ANKRD50: variants seen among roughly 807,000 people sequenced by gnomAD.
The protein encoded by ANKRD50 is ankyrin repeat domain-containing protein 50.
A neutral mutation model predicts 112.0 loss-of-function variants in ANKRD50; 40 were observed. The observed-to-expected ratio is 0.36, with a 90% CI of 0.28 to 0.46. The LOEUF is 0.46. Ranked by LOEUF, ANKRD50 falls within the 20% of genes least tolerant of loss-of-function variation. The probability of loss-of-function intolerance (pLI) is 1.00; values close to 1 mark genes in which losing one functional copy is unlikely to be tolerated. For synonymous variants in ANKRD50, 613 were observed against 619.1 expected, an observed-to-expected ratio of 0.99 and a Z score of 0.15; for missense variants, 1,487 against 1,701.7, an observed-to-expected ratio of 0.87 and a Z score of 2.22.
In ANKRD50 at chr4:124,671,396, A is replaced by G; in HGVS notation, c.1881T>C (p.Val627=). 1 of 1,613,878 alleles carries G rather than the reference A, an allele frequency of 6.2e-7. No individual in the cohort carries two copies. Among genetic ancestry groups the G allele is most frequent in the Non-Finnish European group, 8.5e-7 (1 of 1,179,854 alleles). ...TTACGCCAGCATAAAGTAGTGCAGA[A>G]ACTACCTCAGTATGGCCACCCCAAG... ...SAAWGGHTEV[V]SALLYAGVKV... The change falls in exon 4 of 5, where the codon GTT becomes GTC. Residue 627 remains valine, a synonymous_variant. Coordinates refer to ENST00000504087, the MANE Select transcript of ANKRD50 (RefSeq NM_020337.3).
At chr4:124,704,423 A>T (rs1725459550) in intron 2 of ANKRD50, among the ~76,000 whole-genome samples, 1 of 152,222 alleles carries the variant, frequency 6.6e-6, no homozygotes, top group South Asian at 2.1e-4. Context: ...GCCAGTTGAG[A>T]CAGGAGATAG....
intron 2 of ANKRD50, among the ~76,000 whole-genome samples, chr4:124,689,375 T>C (rs767728256): frequency 6.6e-6 from 1 of 152,172 alleles, no homozygotes; most frequent in Non-Finnish European, 1.5e-5. Context: ...TGATGGTTCA[T>C]TTTATGTGCC....
At chr4:124,668,905 T>C (rs1028335299) in intron 4 of ANKRD50, 79 bp downstream of exon 4, 1 of 1,332,648 alleles carries the variant, frequency 7.5e-7, no homozygotes, top group Non-Finnish European at 1.0e-6. Flanking sequence ...GGAATTGGCC[T>C]TGTGATCAAG....
chr4:124,683,969 G>T (rs1724950542), intron 2 of ANKRD50, among the ~76,000 whole-genome samples: 2 of 134,120 alleles, frequency 1.5e-5, no homozygotes, highest in South Asian at 4.8e-4. Context: ...GGATTCCCCA[G>T]TTCAGTGACA....
At chr4:124,705,798 G>A (rs1441108941) in intron 2 of ANKRD50, among the ~76,000 whole-genome samples, 1 of 152,140 alleles carries the variant, frequency 6.6e-6, no homozygotes, top group East Asian at 1.9e-4. Context: ...CACAGTCAAT[G>A]TAAAATATAC....
At chr4:124,684,225 T>C (rs1380912348) in intron 2 of ANKRD50, among the ~76,000 whole-genome samples, 1 of 152,200 alleles carries the variant, frequency 6.6e-6, no homozygotes, top group East Asian at 1.9e-4. Context: ...TTATGTATCC[T>C]GTGATAGCTC....
At position 124,682,185 on chromosome 4, in the gene ANKRD50, A is replaced by G. The variant is rs543272524; in HGVS notation, c.513-3280T>C. On this transcript the variant is annotated intron_variant, in intron 2 of 4. Transcript: ENST00000504087. ...CAAAAAATTAGCCGGGCGCGGTGGC[A>G]GGCGCCTGTAGTCCCAGCTCCTTGG... Among the ~76,000 whole-genome samples the G allele has an allele frequency of 2.4e-3, 362 of 151,936 alleles. 2 individuals are homozygous for G. Among genetic ancestry groups the G allele is most frequent in the African/African-American group, 8.4e-3 (347 of 41,426 alleles).
At chr4:124,684,087 CATT>C (rs2110515694) in intron 2 of ANKRD50, among the ~76,000 whole-genome samples, 1 of 152,160 alleles carries the variant, frequency 6.6e-6, no homozygotes, top group East Asian at 1.9e-4. Flanking sequence ...GGCAATCACT[CATT>C]AATTGTTTTC....
Position 124,701,403 on chromosome 4 carries a change from C to G in ANKRD50, c.512+8597G>C, listed in dbSNP as rs537777936. ...AAGGCTACCAGTTTCTGGAAAGCTCCAAATCATTCCTCAAGATAACCACGA... is the reference window on the plus strand; with the variant it reads ...AAGGCTACCAGTTTCTGGAAAGCTCGAAATCATTCCTCAAGATAACCACGA... On this transcript the variant is annotated intron_variant, in intron 2 of 4. Coordinates refer to ENST00000504087, the MANE Select transcript of ANKRD50 (RefSeq NM_020337.3). Among the ~76,000 whole-genome samples the G allele has an allele frequency of 2.0e-5, 3 of 152,260 alleles. No homozygotes were observed. In the East Asian group the frequency reaches 5.8e-4, roughly 29 times the overall value.
intron 2 of ANKRD50, among the ~76,000 whole-genome samples, chr4:124,685,224 G>A (rs951236280): frequency 3.3e-5 from 5 of 152,114 alleles, no homozygotes; most frequent in African/African-American, 1.2e-4. Flanking sequence ...CCTATCTTGT[G>A]CACTGTTAAA....
chr4:124,704,330 A>G (rs983419483), intron 2 of ANKRD50, among the ~76,000 whole-genome samples: 2 of 152,230 alleles, frequency 1.3e-5, no homozygotes, highest in African/African-American at 4.8e-5. Flanking sequence ...CCTTGAAAAC[A>G]TACAAGTGAG....
At chr4:124,692,905 C>A (rs1725170023) in intron 2 of ANKRD50, among the ~76,000 whole-genome samples, 1 of 152,146 alleles carries the variant, frequency 6.6e-6, no homozygotes, top group African/African-American at 2.4e-5. Context: ...GAAGCACGAT[C>A]TCTATGGATT....
At chr4:124,704,014 A>G (rs1725451782) in intron 2 of ANKRD50, among the ~76,000 whole-genome samples, 1 of 152,230 alleles carries the variant, frequency 6.6e-6, no homozygotes, top group Non-Finnish European at 1.5e-5. Flanking sequence ...TAAAAAGAAA[A>G]GATTTTCAGA....
intron 3 of ANKRD50, among the ~76,000 whole-genome samples, chr4:124,676,360 A>C (rs1730774443): frequency 6.6e-6 from 1 of 151,760 alleles, no homozygotes; most frequent in Admixed American, 6.6e-5. Flanking sequence ...TAAAATAATA[A>C]TAATGATGGC....
At chr4:124,706,235 G>A (rs187369393) in intron 2 of ANKRD50, among the ~76,000 whole-genome samples, 192 of 152,050 alleles carry the variant, frequency 1.3e-3, no homozygotes, top group Non-Finnish European at 2.3e-3. Flanking sequence ...AATAAATAAC[G>A]CAAATGAACT....
intron 2 of ANKRD50, 64 bp from the exon 3 acceptor site, chr4:124,678,969 T>C (rs556337175): frequency 5.0e-4 from 593 of 1,181,956 alleles, no homozygotes; most frequent in Non-Finnish European, 6.9e-4. Flanking sequence ...GATTTATTAT[T>C]CAAACATTAG....
chr4:124,670,928 T>A lies in ANKRD50; in HGVS notation c.2349A>T (p.Thr783=). Residue 783 remains threonine (T), a synonymous_variant, in exon 4 of 5, where the codon ACA becomes ACT. Transcript: ENST00000504087. ...DVDHTDNNGR[T]PLLAAASMGH... ...CCATAGACGCTGCTGCTAAGAGGGG[T>A]GTACGGCCATTGTTATCTGTGTGAT... 1 of 1,613,696 alleles carries A rather than the reference T, an allele frequency of 6.2e-7. No homozygotes were observed. Among genetic ancestry groups the A allele is most frequent in the South Asian group, 1.1e-5 (1 of 91,064 alleles).
intron 2 of ANKRD50, among the ~76,000 whole-genome samples, chr4:124,708,970 C>A (rs550551874): frequency 6.6e-6 from 1 of 150,626 alleles, no homozygotes; most frequent in Admixed American, 6.6e-5. Context: ...TAGATTTCAC[C>A]CCATTAGATT....
rs768685803 is a variant in ANKRD50, at chr4:124,671,321, T to C, written c.1956A>G (p.Ala652=). 1.9e-6 allele frequency: 3 copies of C among 1,613,684 alleles called. No individual in the cohort carries two copies. The highest frequency in any genetic ancestry group is 2.5e-6 in the Non-Finnish European group (3 of 1,179,804). Residue 652 remains alanine (A), a synonymous_variant, in exon 4 of 5, where the codon GCA becomes GCG. Coordinates refer to ENST00000504087, the MANE Select transcript of ANKRD50 (RefSeq NM_020337.3). ...GTACAATATCCTCGTGTCCTCCCCA[T>C]GCTGCTGCTCTCAAAGCTGTTCGGC... The part of the protein sequence containing the change: ...ADSRTALRAA[A]WGGHEDIVLN...
Sources: allele counts gnomAD v4.1 joint callset (sites outside exome capture counted in the v4.1 genomes callset), GRCh38; gene constraint gnomAD v4.1.1; transcripts MANE v1.5; gene names NCBI Gene and HGNC (gene_info 2026-07-23, HGNC 2026-07-21).